B2M: variants seen among roughly 807,000 people sequenced by gnomAD.
The protein encoded by B2M is beta chain of MHC class I molecules.
Under a neutral mutation model 14.5 loss-of-function variants are expected in B2M, and 3 were observed. The observed-to-expected ratio is 0.21, with a 90% CI of 0.09 to 0.53. The LOEUF (loss-of-function observed/expected upper bound fraction) is 0.53, where lower values mean the gene tolerates loss of function less well. B2M is among the 20% of genes least tolerant of loss of function. B2M has a pLI of 0.95. For synonymous variants in B2M, 45 were observed against 52.7 expected, an observed-to-expected ratio of 0.85 and a Z score of 0.64; for missense variants, 107 against 140.8, an observed-to-expected ratio of 0.76 and a Z score of 1.21.
At chr15:44,712,607 C>A (rs1222321049) in intron 1 of B2M, among the ~76,000 whole-genome samples, 1 of 152,234 alleles carries the variant, frequency 6.6e-6, no homozygotes, top group Middle Eastern at 3.2e-3. Flanking sequence ...GCAAACTGGG[C>A]GGCATGGGCC....
intron 1 of B2M, chr15:44,715,139 G>A (rs747859093): frequency 1.1e-4 from 52 of 479,392 alleles, no homozygotes; most frequent in Non-Finnish European, 1.6e-4. Flanking sequence ...AAAATGCAGC[G>A]CAATCTCCAG....
At chr15:44,715,160 T>TA (rs1259471605) in intron 1 of B2M, 1 of 543,886 alleles carries the variant, frequency 1.8e-6, no homozygotes, top group African/African-American at 1.9e-5. Flanking sequence ...TGACAGAAGA[T>TA]ACTGCTAGAA....
In B2M at chr15:44,716,517, G is replaced by A. The variant is rs1039601078; in HGVS notation, c.*14+161G>A. 3.7e-6 allele frequency: 3 copies of A among 802,806 alleles called. No homozygotes were observed. In the African/African-American group the frequency reaches 5.2e-5, roughly 14 times the overall value. The allele number at this position is 802,806 out of a possible 1,614,324, so 49.7% of individuals were successfully genotyped here. On this transcript the variant is annotated intron_variant, in intron 3 of 3. Coordinates refer to ENST00000648006, the MANE Select transcript of B2M (RefSeq NM_004048.4). ...CAGGGTCATGTTCCCTTCTCCTGTG[G>A]AGTGGCATGAAGAAGGTGTATGGCC... is the stretch of plus-strand genomic sequence containing the variant.
intron 1 of B2M, chr15:44,714,223 C>T (rs1024821496): frequency 2.6e-5 from 4 of 152,188 alleles, no homozygotes; most frequent in Non-Finnish European, 5.9e-5. Context: ...CTGTCACATG[C>T]ATTACTCCAT....
intron 2 of B2M, chr15:44,716,011 C>G: frequency 1.7e-6 from 1 of 600,628 alleles, no homozygotes; most frequent in Non-Finnish European, 2.9e-6. Context: ...CTGGCTTCCT[C>G]TAGCTTTTGT....
intron 2 of B2M, 98 bp downstream of exon 2, chr15:44,715,799 C>T (rs2086935052): frequency 2.1e-6 from 3 of 1,397,898 alleles, no homozygotes; most frequent in South Asian, 1.2e-5. Flanking sequence ...GCCATACTAC[C>T]CTGAATGAGT....
Position 44,711,871 on chromosome 15 carries a change from A to G in B2M, c.67+258A>G, listed in dbSNP as rs2086874065. 8 of 609,154 alleles carry G rather than the reference A, an allele frequency of 1.3e-5. No individual in the cohort carries two copies. The South Asian group carries it at 1.5e-4, about 11-fold the overall frequency. The allele number at this position is 609,154 out of a possible 1,614,324, so 37.7% of individuals were successfully genotyped here. A position where few individuals can be genotyped will look rare whatever the true frequency, so the allele number is the denominator to read the frequency against. ...GAGACCTTTGGCCTACGGCGACGGG[A>G]GGGTCGGGACAAAGTTTAGGGCGTC... is the stretch of plus-strand genomic sequence containing the variant. On this transcript the variant is annotated intron_variant, in intron 1 of 3. Transcript: ENST00000648006.
At chr15:44,713,935 T>G (rs575243367) in intron 1 of B2M, 3 of 152,314 alleles carry the variant, frequency 2.0e-5, no homozygotes, top group African/African-American at 4.8e-5. Flanking sequence ...GAGGAGTAGC[T>G]GCCTTTTAGT....
chr15:44,711,892 G>A, intron 1 of B2M: 1 of 582,354 alleles, frequency 1.7e-6, no homozygotes, highest in South Asian at 2.0e-5. Flanking sequence ...AAAGTTTAGG[G>A]CGTCGATAAG....
intron 1 of B2M, chr15:44,714,953 G>T: frequency 4.7e-6 from 1 of 212,062 alleles, no homozygotes; most frequent in Non-Finnish European, 9.7e-6. Context: ...TGGAAGGGGT[G>T]GAAACAGAGT....
Position 44,717,713 on chromosome 15 carries a change from A to G in B2M, c.*121A>G, listed in dbSNP as rs2141290404. On this transcript the variant is annotated 3_prime_UTR_variant, in exon 4 of 4. Transcript: ENST00000648006. ...CACTTTATGCACAAAATGTAGGGTT[A>G]TAATAATGTTAACATGGACATGATC... 1 of 152,400 alleles carries G rather than the reference A, an allele frequency of 6.6e-6. No homozygotes were observed. The highest frequency in any genetic ancestry group is 2.4e-5 in the African/African-American group (1 of 41,586). The allele number at this position is 152,400 out of a possible 1,614,324, so 9.4% of individuals were successfully genotyped here.
rs374993086 is a variant in B2M, at chr15:44,717,476, G to A, written c.*15-131G>A. The A allele has an allele frequency of 2.0e-5, 3 of 152,212 alleles. No homozygotes were observed. In the East Asian group the frequency reaches 5.8e-4, roughly 29 times the overall value. 9.4% of individuals were successfully genotyped at this position (152,212 alleles called of 1,614,324 possible). ...TAACAGGATATACTCTTTATAATGGGTTTGGAGAACTGTCTGCAGCTACTT... is the reference window on the plus strand; with the variant it reads ...TAACAGGATATACTCTTTATAATGGATTTGGAGAACTGTCTGCAGCTACTT... On this transcript the variant is annotated intron_variant, in intron 3 of 3. Coordinates refer to ENST00000648006, the MANE Select transcript of B2M (RefSeq NM_004048.4).
rs1213681903 is a variant in B2M at position 44,715,687 on chromosome 15, A to T, written c.332A>T (p.Lys111Met). The T allele has an allele frequency of 6.2e-7, 1 of 1,614,216 alleles. No homozygotes were observed. ...RVNHVTLSQP[K>M]IVKWDRDM Reference sequence around the variant, plus strand: ...AACCATGTGACTTTGTCACAGCCCAAGATAGTTAAGTGGGGTAAGTCTTAC... The same window carrying T: ...AACCATGTGACTTTGTCACAGCCCATGATAGTTAAGTGGGGTAAGTCTTAC... The change falls in exon 2 of 4, where the codon AAG becomes ATG. Residue 111 changes from lysine to methionine, a missense_variant. Physicochemically the swap from Lys to Met is moderately conservative, Grantham distance 95 (BLOSUM62 -1). Coordinates refer to ENST00000648006, the MANE Select transcript of B2M (RefSeq NM_004048.4).
chr15:44,715,187 A>G, intron 1 of B2M: 4 of 590,406 alleles, frequency 6.8e-6, no homozygotes, highest in Middle Eastern at 4.5e-4. Flanking sequence ...TAGAAAAAAA[A>G]CAAAAAAGGC....
chr15:44,712,083 T>C (rs2086879834), intron 1 of B2M: 1 of 321,574 alleles, frequency 3.1e-6, no homozygotes, highest in South Asian at 2.7e-5. Context: ...TAAGCCTGTC[T>C]GCTGCGGCTC....
chr15:44,716,532 G>GGTGTATGGCCCC, intron 3 of B2M, 176 bp downstream of exon 3: 1 of 704,496 alleles, frequency 1.4e-6, no homozygotes, highest in East Asian at 2.7e-5. Context: ...GCATGAAGAA[G>GGTGTATGGCCCC]GTGTATGGCC....
chr15:44,716,446 G>T, intron 3 of B2M, 90 bp downstream of exon 3: 2 of 1,309,044 alleles, frequency 1.5e-6, no homozygotes, highest in South Asian at 2.4e-5. Context: ...TCACTATGTG[G>T]AGAACATTGA....
rs1216029135 is a variant in B2M, at chr15:44,716,308, T to C, written c.347-21T>C. On this transcript the variant is annotated intron_variant, in intron 2 of 3. Transcript: ENST00000648006. ...TAAAACTTAATGTCTTCCTTTTTTT[T>C]CTCCACTGTCTTTTTCATAGATCGA... 4.3e-6 allele frequency: 7 copies of C among 1,609,358 alleles called. No individual in the cohort carries two copies. In the East Asian group the frequency reaches 1.1e-4, roughly 26 times the overall value.
chr15:44,716,298 T>A, intron 2 of B2M, 31 bp from the exon 3 acceptor site: 1 of 1,605,232 alleles, frequency 6.2e-7, no homozygotes, highest in Non-Finnish European at 8.5e-7. Flanking sequence ...CTTAATGTCT[T>A]CCTTTTTTTT....
Sources: allele counts gnomAD v4.1 joint callset (sites outside exome capture counted in the v4.1 genomes callset), GRCh38; gene constraint gnomAD v4.1.1; transcripts MANE v1.5; gene names NCBI Gene and HGNC (gene_info 2026-07-23, HGNC 2026-07-21).